The following ARHGAP24 variants were observed in gnomAD, a reference collection of about 807,000 sequenced individuals.
The protein encoded by ARHGAP24 is Rho GTPase activating protein 24.
Under a neutral mutation model 76.4 loss-of-function variants are expected in ARHGAP24, and 50 were observed. The observed-to-expected ratio is 0.65, with a 90% CI of 0.52 to 0.83. The LOEUF (loss-of-function observed/expected upper bound fraction) is 0.83. Among genes scored for constraint, ARHGAP24 ranks in the 40% least tolerant of loss-of-function variants. The pLI, the probability that ARHGAP24 is intolerant of heterozygous loss-of-function variation, is 0.00. For missense variants in ARHGAP24, 930 were observed against 914.2 expected (o/e 1.02, Z -0.22); for synonymous variants, 345 against 323.3 (o/e 1.07, Z -0.72).
intron 3 of ARHGAP24, among the ~76,000 whole-genome samples, chr4:85,742,195 T>A (rs546923374): frequency 6.6e-6 from 1 of 152,314 alleles, no homozygotes; most frequent in Admixed American, 6.5e-5. Flanking sequence ...GTCCTCAACC[T>A]TGGAGGCAGA....
chr4:85,929,177 T>A (rs1736182681), intron 4 of ARHGAP24, among the ~76,000 whole-genome samples: 1 of 152,200 alleles, frequency 6.6e-6, no homozygotes, highest in Non-Finnish European at 1.5e-5. Context: ...ACTGTCTCTG[T>A]CTTCGTGGTG....
At chr4:85,847,398 A>G (rs539122688) in intron 3 of ARHGAP24, among the ~76,000 whole-genome samples, 90 of 152,334 alleles carry the variant, frequency 5.9e-4, no homozygotes, top group African/African-American at 2.1e-3. Flanking sequence ...TAATAATGGT[A>G]TAATATAGGT....
chr4:85,736,880 T>C (rs1210745714), intron 3 of ARHGAP24, among the ~76,000 whole-genome samples: 2 of 152,220 alleles, frequency 1.3e-5, no homozygotes, highest in African/African-American at 4.8e-5. Context: ...TGTAAATTAG[T>C]ATAAACTATC....
At position 85,994,795 on chromosome 4, in the gene ARHGAP24, T is replaced by C. The variant is rs1740547829; in HGVS notation, c.1141T>C (p.Ser381Pro). The C allele has an allele frequency of 6.2e-7, 1 of 1,613,864 alleles. No homozygotes were observed. Among genetic ancestry groups the C allele is most frequent in the Non-Finnish European group, 8.5e-7 (1 of 1,179,962 alleles). ...SRQCSWDKSE[S>P]PQRSSMNNGS... ...GCAGTGCTCCTGGGACAAGTCTGAG[T>C]CACCCCAGAGAAGCAGCATGAACAA... The change falls in exon 9 of 10, where the codon TCA becomes CCA. Residue 381 changes from serine (S) to proline (P), a missense_variant. By Grantham distance (74) the Ser-to-Pro change is moderately conservative. Coordinates refer to ENST00000395184, the MANE Select transcript of ARHGAP24 (RefSeq NM_001025616.3).
chr4:85,909,492 A>C (rs1196908455), intron 3 of ARHGAP24, among the ~76,000 whole-genome samples: 1 of 152,212 alleles, frequency 6.6e-6, no homozygotes, highest in Non-Finnish European at 1.5e-5. Flanking sequence ...TTAGTTTAGC[A>C]ATATGCCTGT....
At chr4:85,915,015 C>T (rs1461733816) in intron 3 of ARHGAP24, among the ~76,000 whole-genome samples, 1 of 152,180 alleles carries the variant, frequency 6.6e-6, no homozygotes, top group Non-Finnish European at 1.5e-5. Context: ...GATACTTTAG[C>T]TCTGCCAAGA....
chr4:85,988,428 CATGAAAGCAGACTACT>C (rs1479454625), intron 8 of ARHGAP24, among the ~76,000 whole-genome samples: 2 of 151,148 alleles, frequency 1.3e-5, no homozygotes, highest in Non-Finnish European at 3.0e-5. Context: ...TGGAAGCAAA[CATGAAAGCAGACTACT>C]TTAAGACTTT....
chr4:85,710,255 G>A (rs1724475102), intron 2 of ARHGAP24, among the ~76,000 whole-genome samples: 1 of 152,180 alleles, frequency 6.6e-6, no homozygotes, highest in African/African-American at 2.4e-5. Context: ...AAGCAGTGGG[G>A]AAAGGACTCA....
intron 1 of ARHGAP24, among the ~76,000 whole-genome samples, chr4:85,538,652 G>A (rs1344269216): frequency 6.6e-6 from 1 of 152,070 alleles, no homozygotes; most frequent in African/African-American, 2.4e-5. Flanking sequence ...CTCTTACCAT[G>A]ACTCATTGAC....
chr4:85,944,036 C>G (rs760723209), intron 5 of ARHGAP24, among the ~76,000 whole-genome samples: 28 of 152,192 alleles, frequency 1.8e-4, no homozygotes, highest in Non-Finnish European at 4.0e-4. Context: ...AATCACCACG[C>G]AGTCTTCCAC....
intron 3 of ARHGAP24, among the ~76,000 whole-genome samples, chr4:85,724,486 T>C (rs1375460649): frequency 2.0e-4 from 1 of 5,098 alleles, no homozygotes; most frequent in Non-Finnish European, 9.6e-4. Flanking sequence ...AATTTTTCCA[T>C]GTGTGTATAT....
At chr4:85,872,843 C>T (rs1416250181) in intron 3 of ARHGAP24, among the ~76,000 whole-genome samples, 1 of 151,386 alleles carries the variant, frequency 6.6e-6, no homozygotes, top group Non-Finnish European at 1.5e-5. Flanking sequence ...TCAAAGCAAG[C>T]CACCCGCCTC....
chr4:85,546,127 A>C (rs1389130524), intron 1 of ARHGAP24, among the ~76,000 whole-genome samples: 1 of 152,206 alleles, frequency 6.6e-6, no homozygotes, highest in Non-Finnish European at 1.5e-5. Context: ...TATGATAGTT[A>C]AATGAGTTTA....
intron 3 of ARHGAP24, among the ~76,000 whole-genome samples, chr4:85,776,484 G>T (rs17010862): frequency 6.6e-6 from 1 of 152,100 alleles, no homozygotes; most frequent in Non-Finnish European, 1.5e-5. Flanking sequence ...ATGTTGTGCC[G>T]TTTTAGATTG....
At chr4:85,600,800 G>C (rs1409192462) in intron 2 of ARHGAP24, among the ~76,000 whole-genome samples, 2 of 152,116 alleles carry the variant, frequency 1.3e-5, no homozygotes, top group East Asian at 1.9e-4. Flanking sequence ...CTCCCATGAA[G>C]ACAAAACAAA....
intron 3 of ARHGAP24, among the ~76,000 whole-genome samples, chr4:85,724,341 A>G (rs1054446618): frequency 7.2e-5 from 11 of 152,266 alleles, no homozygotes; most frequent in Admixed American, 2.6e-4. Context: ...TCATCTGCCC[A>G]TAATGATTTC....
intron 3 of ARHGAP24, among the ~76,000 whole-genome samples, chr4:85,882,831 A>G (rs1377500904): frequency 6.6e-6 from 1 of 152,194 alleles, no homozygotes; most frequent in Non-Finnish European, 1.5e-5. Flanking sequence ...AACTAGAGTC[A>G]CTAACAAGAA....
chr4:85,632,087 T>A (rs1001287442), intron 2 of ARHGAP24, among the ~76,000 whole-genome samples: 3 of 152,036 alleles, frequency 2.0e-5, no homozygotes, highest in Admixed American at 1.3e-4. Flanking sequence ...TATATATTAT[T>A]TTACAGACCA....
At chr4:85,860,714 A>T (rs577393453) in intron 3 of ARHGAP24, among the ~76,000 whole-genome samples, 6 of 152,202 alleles carry the variant, frequency 3.9e-5, no homozygotes, top group African/African-American at 1.4e-4. Context: ...CAGGAGAATG[A>T]AGGTGCATTA....
Sources: gnomAD v4.1 joint callset for allele counts (sites outside exome capture counted in the v4.1 genomes callset) on GRCh38, gnomAD v4.1.1 for gene constraint, MANE v1.5 for transcripts, NCBI Gene and HGNC (gene_info 2026-07-23, HGNC 2026-07-21) for gene names.